The following NKAIN2 variants were observed in gnomAD, a reference collection of about 807,000 sequenced individuals.
NKAIN2 encodes the protein sodium/potassium transporting ATPase interacting 2.
A neutral mutation model predicts 32.6 loss-of-function variants in NKAIN2; 14 were observed. The ratio of observed to expected loss-of-function variants is 0.43; its 90% confidence interval spans 0.28 to 0.67. The LOEUF is 0.67. Ranked by LOEUF, NKAIN2 falls within the 30% of genes least tolerant of loss-of-function variation. The probability of loss-of-function intolerance (pLI) is 0.17; values close to 1 mark genes in which losing one functional copy is unlikely to be tolerated. For missense variants in NKAIN2, 198 were observed against 258.3 expected, an observed-to-expected ratio of 0.77 and a Z score of 1.60; for synonymous variants, 80 against 87.2, an observed-to-expected ratio of 0.92 and a Z score of 0.46.
intron 3 of NKAIN2, among the ~76,000 whole-genome samples, chr6:124,637,390 A>C (rs1223922767): frequency 6.6e-6 from 1 of 152,052 alleles, no homozygotes; most frequent in African/African-American, 2.4e-5. Context: ...ATGTCTAGCA[A>C]TTAGATAAGA....
intron 4 of NKAIN2, among the ~76,000 whole-genome samples, chr6:124,676,762 C>T (rs1773376927): frequency 6.6e-6 from 1 of 152,128 alleles, no homozygotes; most frequent in Admixed American, 6.5e-5. Flanking sequence ...CCACAACTAG[C>T]CTTCTTGTGA....
At chr6:124,767,737 C>T (rs1778574122) in intron 4 of NKAIN2, among the ~76,000 whole-genome samples, 1 of 152,188 alleles carries the variant, frequency 6.6e-6, no homozygotes, top group South Asian at 2.1e-4. Context: ...CATCCATGCT[C>T]TGAAGCCAGT....
intron 1 of NKAIN2, among the ~76,000 whole-genome samples, chr6:123,976,565 C>T (rs959544572): frequency 2.7e-5 from 4 of 150,834 alleles, no homozygotes; most frequent in African/African-American, 7.3e-5. Flanking sequence ...TTTGGAAGGC[C>T]AGCATTTTTG....
chr6:124,629,758 A>G (rs555686248), intron 3 of NKAIN2, among the ~76,000 whole-genome samples: 29 of 152,286 alleles, frequency 1.9e-4, no homozygotes, highest in East Asian at 3.9e-4. Context: ...CGTTAAACCA[A>G]TTTAGGAAGG....
chr6:123,987,153 T>G (rs1322625677), intron 1 of NKAIN2, among the ~76,000 whole-genome samples: 1 of 152,130 alleles, frequency 6.6e-6, no homozygotes, highest in Non-Finnish European at 1.5e-5. Flanking sequence ...GCTTCAAAAA[T>G]AAGAAATAGA....
intron 4 of NKAIN2, among the ~76,000 whole-genome samples, chr6:124,697,572 G>A (rs1774560681): frequency 6.6e-6 from 1 of 152,050 alleles, no homozygotes. Context: ...TATAAGCTAT[G>A]CTTTTATAAA....
intron 1 of NKAIN2, among the ~76,000 whole-genome samples, chr6:124,096,797 G>T (rs958973175): frequency 2.1e-5 from 3 of 145,960 alleles, no homozygotes; most frequent in Non-Finnish European, 4.4e-5. Flanking sequence ...GGCGGAGCTT[G>T]CAGTGAGCCA....
chr6:124,679,043 GC>G (rs1457436583), intron 4 of NKAIN2, among the ~76,000 whole-genome samples: 5 of 152,108 alleles, frequency 3.3e-5, no homozygotes, highest in Non-Finnish European at 7.4e-5. Flanking sequence ...ATCATCAGAT[GC>G]CTAGCTGTTT....
intron 4 of NKAIN2, among the ~76,000 whole-genome samples, chr6:124,726,408 C>G (rs978443093): frequency 5.3e-5 from 8 of 152,328 alleles, no homozygotes; most frequent in Admixed American, 1.3e-4. Context: ...CCCATGACCC[C>G]TGAGCAGCCT....
intron 3 of NKAIN2, among the ~76,000 whole-genome samples, chr6:124,574,305 GA>G (rs1349402544): frequency 2.7e-5 from 2 of 73,364 alleles, no homozygotes; most frequent in Admixed American, 1.9e-4. Context: ...CAAACAAACA[GA>G]AAAAGTTAAA....
At chr6:123,847,119 A>G (rs1258552324) in intron 1 of NKAIN2, among the ~76,000 whole-genome samples, 1 of 152,240 alleles carries the variant, frequency 6.6e-6, no homozygotes, top group Non-Finnish European at 1.5e-5. Flanking sequence ...TCATCTGTCA[A>G]TACATACATA....
At chr6:124,124,091 A>T (rs1323485105) in intron 1 of NKAIN2, among the ~76,000 whole-genome samples, 1 of 152,134 alleles carries the variant, frequency 6.6e-6, no homozygotes, top group Non-Finnish European at 1.5e-5. Context: ...GAAAATGTTG[A>T]CAAGTATTGA....
chr6:123,891,240 C>G (rs1774001096), intron 1 of NKAIN2, among the ~76,000 whole-genome samples: 1 of 152,052 alleles, frequency 6.6e-6, no homozygotes, highest in Admixed American at 6.6e-5. Context: ...TCCTGGAGAT[C>G]ATGAAAAAGT....
intron 1 of NKAIN2, among the ~76,000 whole-genome samples, chr6:123,951,927 C>T (rs1383113066): frequency 1.3e-5 from 2 of 150,936 alleles, no homozygotes; most frequent in Non-Finnish European, 3.0e-5. Context: ...TACAGTCTGG[C>T]GGTTTTCTAT....
chr6:124,528,152 A>C (rs554594976), intron 3 of NKAIN2, among the ~76,000 whole-genome samples: 347 of 152,346 alleles, frequency 2.3e-3, no homozygotes, highest in African/African-American at 7.6e-3. Flanking sequence ...TTAAGAGGCT[A>C]TTAAGGCAAC....
intron 1 of NKAIN2, among the ~76,000 whole-genome samples, chr6:123,888,179 G>C (rs10872271): frequency 1.3e-5 from 2 of 151,750 alleles, no homozygotes; most frequent in African/African-American, 4.8e-5. Context: ...ATAGAATGTT[G>C]TTTTTAATAT....
chr6:123,968,479 A>G (rs905676558), intron 1 of NKAIN2, among the ~76,000 whole-genome samples: 5 of 152,160 alleles, frequency 3.3e-5, no homozygotes, highest in African/African-American at 1.2e-4. Flanking sequence ...GAGATTAAAT[A>G]TATACATTTA....
intron 1 of NKAIN2, among the ~76,000 whole-genome samples, chr6:123,844,955 G>C (rs1024695348): frequency 6.6e-6 from 1 of 152,138 alleles, no homozygotes; most frequent in Non-Finnish European, 1.5e-5. Flanking sequence ...TAGTTTGAGT[G>C]ACAAAGGGAA....
At chr6:124,223,934 GAAAATGTTT>G (rs1791968800) in intron 1 of NKAIN2, among the ~76,000 whole-genome samples, 1 of 152,158 alleles carries the variant, frequency 6.6e-6, no homozygotes, top group African/African-American at 2.4e-5. Context: ...AATGCAGAGT[GAAAATGTTT>G]AAAATGAGAT....
Sources: allele counts gnomAD v4.1 joint callset (sites outside exome capture counted in the v4.1 genomes callset), GRCh38; gene constraint gnomAD v4.1.1; transcripts MANE v1.5; gene names NCBI Gene and HGNC (gene_info 2026-07-23, HGNC 2026-07-21).